Variants in ADAM7 observed in about 807,000 individuals in gnomAD.
ADAM7 encodes ADAM metallopeptidase domain 7.
Under a neutral mutation model 102.9 loss-of-function variants are expected in ADAM7, and 97 were observed. The observed-to-expected ratio is 0.94, with a 90% CI of 0.80 to 1.12. The LOEUF (loss-of-function observed/expected upper bound fraction) is 1.12, where lower values mean the gene tolerates loss of function less well. Among genes scored for constraint, ADAM7 ranks in the 50% most tolerant of loss-of-function variants. ADAM7 has a pLI of 0.00. For missense variants in ADAM7, 991 were observed against 908.7 expected, an observed-to-expected ratio of 1.09 and a Z score of -1.16; for synonymous variants, 334 against 304.4, an observed-to-expected ratio of 1.10 and a Z score of -1.01.
In ADAM7 at chr8:24,492,554, T is replaced by C; in HGVS notation, c.1612T>C (p.Tyr538His). 1 of 1,613,256 alleles carries C rather than the reference T, an allele frequency of 6.2e-7. No homozygotes were observed. ...GAATACAAAAGGAAATAAATTTGGA[T>C]ACTGCAAAAACAAGGAAAACAGATT... ...KMNTKGNKFGYCKNKENRFLP... is the reference protein window; with the variant it reads ...KMNTKGNKFGHCKNKENRFLP... The change falls in exon 15 of 22, where the codon TAC (tyrosine) becomes CAC (histidine). Residue 538 changes from tyrosine (Y) to histidine (H), a missense_variant. Tyr to His is a moderately conservative substitution (Grantham distance 83). Transcript: ENST00000175238.
intron 4 of ADAM7, among the ~76,000 whole-genome samples, chr8:24,464,264 G>T (rs973048733): frequency 3.3e-5 from 5 of 152,054 alleles, no homozygotes; most frequent in African/African-American, 9.7e-5. Context: ...AAAATATAAG[G>T]CACCTTATGA....
At chr8:24,480,147 A>G (rs1819900878) in intron 8 of ADAM7, among the ~76,000 whole-genome samples, 1 of 152,118 alleles carries the variant, frequency 6.6e-6, no homozygotes, top group East Asian at 1.9e-4. Context: ...TATGTCTTTT[A>G]TCACTTCCCT....
intron 1 of ADAM7, among the ~76,000 whole-genome samples, chr8:24,441,684 G>T (rs1459276659): frequency 6.6e-6 from 1 of 152,150 alleles, no homozygotes; most frequent in East Asian, 1.9e-4. Context: ...GACATGAATA[G>T]AAGATTATGG....
intron 16 of ADAM7, among the ~76,000 whole-genome samples, chr8:24,496,553 A>G (rs1006590411): frequency 6.6e-6 from 1 of 152,184 alleles, no homozygotes; most frequent in African/African-American, 2.4e-5. Context: ...CTGCAAAACC[A>G]CAGAGGCAGA....
intron 12 of ADAM7, chr8:24,490,504 A>T (rs1405864787): frequency 3.7e-6 from 1 of 273,398 alleles, no homozygotes; most frequent in Non-Finnish European, 7.0e-6. Context: ...AAGCAGTATG[A>T]CCCTTCAAGG....
chr8:24,475,052 G>T (rs1819724404), intron 7 of ADAM7, among the ~76,000 whole-genome samples: 1 of 152,136 alleles, frequency 6.6e-6, no homozygotes, highest in Non-Finnish European at 1.5e-5. Context: ...GCAGGAAAGT[G>T]AAGTGAGGAT....
intron 7 of ADAM7, among the ~76,000 whole-genome samples, chr8:24,471,485 A>G (rs1219712174): frequency 6.9e-6 from 1 of 144,950 alleles, no homozygotes; most frequent in Non-Finnish European, 1.5e-5. Context: ...TTTGTCATTT[A>G]TACCATTTTT....
At chr8:24,450,240 C>G (rs1453836288) in intron 3 of ADAM7, among the ~76,000 whole-genome samples, 1 of 152,134 alleles carries the variant, frequency 6.6e-6, no homozygotes, top group Non-Finnish European at 1.5e-5. Context: ...TTACCTTGGG[C>G]AGTATGGCCA....
intron 11 of ADAM7, among the ~76,000 whole-genome samples, chr8:24,488,870 A>G (rs1820237757): frequency 6.6e-6 from 1 of 152,098 alleles, no homozygotes. Context: ...TTTCAAGAGG[A>G]CCAAATTAAA....
chr8:24,493,568 A>G (rs1430308996), intron 16 of ADAM7, among the ~76,000 whole-genome samples: 7 of 152,232 alleles, frequency 4.6e-5, no homozygotes, highest in Non-Finnish European at 8.8e-5. Flanking sequence ...TCATTCACTC[A>G]TATTTACTAG....
intron 13 of ADAM7, 84 bp downstream of exon 13, chr8:24,490,972 C>G: frequency 1.5e-6 from 2 of 1,345,116 alleles, no homozygotes; most frequent in Non-Finnish European, 2.1e-6. Flanking sequence ...ACTGGACAGC[C>G]CTGCACCACT....
intron 3 of ADAM7, among the ~76,000 whole-genome samples, chr8:24,459,358 CTT>C (rs1396211129): frequency 6.6e-6 from 1 of 151,774 alleles, no homozygotes; most frequent in Non-Finnish European, 1.5e-5. Flanking sequence ...AGTGATAACT[CTT>C]TTTAAATTTC....
chr8:24,462,851 T>C lies in ADAM7; in HGVS notation c.234-1031T>C, dbSNP rs373425059. Among the ~76,000 whole-genome samples the C allele has an allele frequency of 3.1e-4, 47 of 152,302 alleles. 3 individuals carry two copies. The highest frequency in any genetic ancestry group is 2.3e-3 in the East Asian group (12 of 5,170). On this transcript the variant is annotated intron_variant, in intron 3 of 21. Transcript: ENST00000175238. Reference sequence around the variant, plus strand: ...TCCTATGGTAGTTCACAGGTAACCTTTGAAGACTGACATGAAATACATCAT... The same window carrying C: ...TCCTATGGTAGTTCACAGGTAACCTCTGAAGACTGACATGAAATACATCAT...
chr8:24,446,724 C>T (rs1024705746), intron 2 of ADAM7, among the ~76,000 whole-genome samples: 1 of 151,682 alleles, frequency 6.6e-6, no homozygotes. Flanking sequence ...AATGCGTGAA[C>T]AGGATATCTG....
chr8:24,490,901 G>T lies in ADAM7; in HGVS notation c.1356+13G>T, dbSNP rs1335258160. The stretch of plus-strand genomic sequence containing the variant: ...TGAATCTTGTCAGGTAAGGTCATGT[G>T]CCAGGAGAAGGTTTTTTTTTTTCAG... On this transcript the variant is annotated intron_variant, in intron 13 of 21. Coordinates refer to ENST00000175238, the MANE Select transcript of ADAM7 (RefSeq NM_003817.4). 1 of 1,600,008 alleles carries T rather than the reference G, an allele frequency of 6.2e-7. No individual in the cohort carries two copies. Among genetic ancestry groups the T allele is most frequent in the East Asian group, 2.2e-5 (1 of 44,806 alleles).
At chr8:24,482,426 A>G in intron 9 of ADAM7, 115 bp downstream of exon 9, 1 of 1,045,650 alleles carries the variant, frequency 9.6e-7, no homozygotes, top group Non-Finnish European at 1.4e-6. Context: ...GGTAGCACAC[A>G]GGGACAAAAT....
chr8:24,508,864 A>G lies in ADAM7; in HGVS notation c.*318A>G. On this transcript the variant is annotated 3_prime_UTR_variant, in exon 22 of 22. Transcript: ENST00000175238. ...CAAAATGTTACTCTGCTTTCTTTTA[A>G]GAATCCAAACTTTAAGGATGATAAC... 6 of 1,178,574 alleles carry G rather than the reference A, an allele frequency of 5.1e-6. No homozygotes were observed. The highest frequency in any genetic ancestry group is 6.3e-6 in the Non-Finnish European group (6 of 954,252). The allele number at this position is 1,178,574 out of a possible 1,614,324, so 73.0% of individuals were successfully genotyped here.
chr8:24,455,009 G>C (rs1818975571), intron 3 of ADAM7, among the ~76,000 whole-genome samples: 1 of 151,986 alleles, frequency 6.6e-6, no homozygotes, highest in Non-Finnish European at 1.5e-5. Flanking sequence ...TGAGTCACCA[G>C]AAATATTAAT....
Position 24,448,978 on chromosome 8 carries a change from G to A in ADAM7, c.233+1716G>A, listed in dbSNP as rs1818672474. ...TCATCCATGTCCCTACAAAGAACATGAACTCATCCTTTTTTATGGCTGCAT... is the reference window on the plus strand; with the variant it reads ...TCATCCATGTCCCTACAAAGAACATAAACTCATCCTTTTTTATGGCTGCAT... On this transcript the variant is annotated intron_variant, in intron 3 of 21. Coordinates refer to ENST00000175238, the MANE Select transcript of ADAM7 (RefSeq NM_003817.4). Among the ~76,000 whole-genome samples, 5 of 152,250 alleles carry A rather than the reference G, an allele frequency of 3.3e-5. No individual in the cohort carries two copies. In the South Asian group the frequency reaches 6.2e-4, roughly 19 times the overall value.
Sources: gnomAD v4.1 joint callset for allele counts (sites outside exome capture counted in the v4.1 genomes callset) on GRCh38, gnomAD v4.1.1 for gene constraint, MANE v1.5 for transcripts, NCBI Gene and HGNC (gene_info 2026-07-23, HGNC 2026-07-21) for gene names.